Variants in FRMPD1 observed in about 807,000 individuals in gnomAD.
FRMPD1 encodes FERM and PDZ domain containing 1.
In FRMPD1, 76 loss-of-function variants were observed where a neutral mutation model predicts 117.8. The ratio of observed to expected loss-of-function variants is 0.65; its 90% CI spans 0.54 to 0.78. FRMPD1 has a LOEUF of 0.78. Ranked by LOEUF, FRMPD1 falls within the 30% of genes least tolerant of loss-of-function variation. The probability of loss-of-function intolerance (pLI) is 0.00; values close to 1 mark genes in which losing one functional copy is unlikely to be tolerated. For synonymous variants in FRMPD1, 783 were observed against 770.4 expected, an observed-to-expected ratio of 1.02 and a Z score of -0.27; for missense variants, 1,786 against 1,964.5, an observed-to-expected ratio of 0.91 and a Z score of 1.72.
chr9:37,632,700 A>G, the FRMPD1 span, among the ~76,000 whole-genome samples: 1 of 152,142 alleles, frequency 6.6e-6, no homozygotes, highest in African/African-American at 2.4e-5. Context: ...GTCACATGCC[A>G]TCCTTGAACC....
intron 10 of FRMPD1, 140 bp downstream of exon 10, chr9:37,732,580 T>A (rs1823937797): frequency 1.2e-6 from 1 of 822,430 alleles, no homozygotes; most frequent in Non-Finnish European, 1.8e-6. Context: ...CTCTGCACCC[T>A]CTCTAATCTG....
the FRMPD1 span, among the ~76,000 whole-genome samples, chr9:37,623,065 G>A: frequency 6.6e-6 from 1 of 152,214 alleles, no homozygotes; most frequent in Non-Finnish European, 1.5e-5. Flanking sequence ...TCTCATATAT[G>A]ACATTTAATA....
chr9:37,713,859 G>A (rs1823003707), intron 5 of FRMPD1, among the ~76,000 whole-genome samples: 1 of 152,128 alleles, frequency 6.6e-6, no homozygotes, highest in African/African-American at 2.4e-5. Flanking sequence ...GCTGTAGAAA[G>A]GTTGCCTACG....
chr9:37,649,793 C>T (rs1820612086), upstream of FRMPD1, among the ~76,000 whole-genome samples: 1 of 152,236 alleles, frequency 6.6e-6, no homozygotes, highest in South Asian at 2.1e-4. Context: ...ACGGTGCAAA[C>T]TCCTTGACCA....
upstream of FRMPD1, among the ~76,000 whole-genome samples, chr9:37,647,420 G>C (rs985998786): frequency 6.6e-6 from 1 of 151,440 alleles, no homozygotes; most frequent in African/African-American, 2.4e-5. Context: ...GCTCAGGCAG[G>C]AGAATGGCGT....
chr9:37,634,409 T>C, the FRMPD1 span, among the ~76,000 whole-genome samples: 1 of 152,226 alleles, frequency 6.6e-6, no homozygotes, highest in African/African-American at 2.4e-5. Flanking sequence ...TTTCTCTGTA[T>C]TTATTACTAG....
At chr9:37,616,278 C>T in the FRMPD1 span, among the ~76,000 whole-genome samples, 2,709 of 147,712 alleles carry the variant, frequency 0.018, 72 homozygotes, top group African/African-American at 0.064. Flanking sequence ...CCACCACACC[C>T]GGCTAATTTT....
chr9:37,689,533 A>T (rs150290549), intron 1 of FRMPD1, among the ~76,000 whole-genome samples: 2 of 152,066 alleles, frequency 1.3e-5, no homozygotes, highest in African/African-American at 4.8e-5. Context: ...GCATCTCAAC[A>T]GTTGCTCTCT....
At chr9:37,611,417 C>A in the FRMPD1 span, among the ~76,000 whole-genome samples, 1 of 152,086 alleles carries the variant, frequency 6.6e-6, no homozygotes, top group Non-Finnish European at 1.5e-5. Context: ...TTGCAGGAAG[C>A]CTTACTCTTG....
chr9:37,608,892 A>C, the FRMPD1 span, among the ~76,000 whole-genome samples: 1 of 152,206 alleles, frequency 6.6e-6, no homozygotes, highest in South Asian at 2.1e-4. Flanking sequence ...AGGTGTTATT[A>C]TATTATCCCA....
intron 5 of FRMPD1, among the ~76,000 whole-genome samples, chr9:37,717,383 T>A (rs113789631): frequency 0.066 from 4,295 of 65,396 alleles, 120 homozygotes; most frequent in African/African-American, 0.11. Context: ...ATATATATAT[T>A]TTTTTTTTTT....
chr9:37,688,192 C>G (rs1822013514), intron 1 of FRMPD1, among the ~76,000 whole-genome samples: 1 of 150,292 alleles, frequency 6.7e-6, no homozygotes, highest in Non-Finnish European at 1.5e-5. Context: ...AACATATATA[C>G]AAGTATATAC....
In FRMPD1 at chr9:37,667,062, C is replaced by CTTTTTTTTT. The variant is rs573955616; in HGVS notation, c.-5+15976_-5+15984dup. ...GGAAAAGAGAGACAATTGAAGCATG[C>CTTTTTTTTT]TTTTTTTTTTTTTTTTCCTGAGACA... On this transcript the variant is annotated intron_variant, in intron 1 of 15. Transcript: ENST00000377765. 9.2e-4 allele frequency among the ~76,000 whole-genome samples: 102 copies of CTTTTTTTTT among 111,034 alleles called. 4 individuals carry two copies. Among genetic ancestry groups the CTTTTTTTTT allele is most frequent in the African/African-American group, 3.8e-3 (96 of 25,310 alleles). 72.8% of individuals were successfully genotyped at this position (111,034 alleles called of 152,430 possible).
intron 14 of FRMPD1, among the ~76,000 whole-genome samples, chr9:37,737,991 C>T (rs1824213809): frequency 2.0e-5 from 3 of 152,162 alleles, no homozygotes; most frequent in Non-Finnish European, 1.5e-5. Context: ...AGACAGTTTC[C>T]TAGGCCAGCT....
chr9:37,725,232 A>G (rs778044851), intron 7 of FRMPD1, among the ~76,000 whole-genome samples: 1 of 152,230 alleles, frequency 6.6e-6, no homozygotes, highest in Non-Finnish European at 1.5e-5. Context: ...GTATGGTGCT[A>G]GCAGTTCTTG....
chr9:37,669,936 T>A (rs888157995), intron 1 of FRMPD1: 3 of 150,710 alleles, frequency 2.0e-5, no homozygotes, highest in Non-Finnish European at 4.4e-5. Flanking sequence ...GAGGTTGTGG[T>A]GAGCTGAGAT....
chr9:37,689,577 C>A (rs983152128), intron 1 of FRMPD1, among the ~76,000 whole-genome samples: 1 of 152,110 alleles, frequency 6.6e-6, no homozygotes, highest in Non-Finnish European at 1.5e-5. Context: ...TTAATGCATG[C>A]CTTCACAGTC....
intron 1 of FRMPD1, among the ~76,000 whole-genome samples, chr9:37,661,105 AG>A (rs1419140280): frequency 6.6e-6 from 1 of 152,184 alleles, no homozygotes. Flanking sequence ...TTCAGAGGAT[AG>A]GGAGGCGGTG....
chr9:37,645,100 G>GGA, the FRMPD1 span, among the ~76,000 whole-genome samples: 53 of 119,590 alleles, frequency 4.4e-4, 1 homozygote, highest in East Asian at 1.7e-3. Flanking sequence ...TGAGCCAGCA[G>GGA]AAAAAAAAAA....
Sources: allele counts gnomAD v4.1 joint callset (sites outside exome capture counted in the v4.1 genomes callset), GRCh38; gene constraint gnomAD v4.1.1; transcripts MANE v1.5; gene names NCBI Gene and HGNC (gene_info 2026-07-23, HGNC 2026-07-21).